The following ASXL3 variants were observed in gnomAD, a reference collection of about 807,000 sequenced individuals.
The protein encoded by ASXL3 is putative Polycomb group protein ASXL3.
ASXL3 carries 34 observed loss-of-function variants against 170.6 expected under a neutral mutation model. The observed-to-expected ratio is 0.20, with a 90% confidence interval of 0.15 to 0.27. The LOEUF (loss-of-function observed/expected upper bound fraction) is 0.27, where lower values mean the gene tolerates loss of function less well. Among genes scored for constraint, ASXL3 ranks in the 10% least tolerant of loss-of-function variants. The pLI is 1.00. For synonymous variants in ASXL3, 1,002 were observed against 989.1 expected (o/e 1.01, Z -0.24); for missense variants, 2,592 against 2,695.3 (o/e 0.96, Z 0.85).
intron 2 of ASXL3, among the ~76,000 whole-genome samples, chr18:33,643,426 A>G (rs1277234045): frequency 6.6e-6 from 1 of 151,780 alleles, no homozygotes; most frequent in Non-Finnish European, 1.5e-5. Context: ...TAAACACAAC[A>G]TTGTTTCCAT....
intron 1 of ASXL3, among the ~76,000 whole-genome samples, chr18:33,593,224 A>C (rs9951473): frequency 6.2e-4 from 53 of 86,050 alleles, no homozygotes; most frequent in East Asian, 4.2e-3. Context: ...TTCTTTCTTT[A>C]TTTCTTTTCT....
intron 7 of ASXL3, among the ~76,000 whole-genome samples, chr18:33,675,804 CCT>C (rs1405725176): frequency 6.6e-6 from 1 of 152,064 alleles, no homozygotes; most frequent in African/African-American, 2.4e-5. Flanking sequence ...CCATGGACCC[CCT>C]CAGACCCTTT....
intron 11 of ASXL3, among the ~76,000 whole-genome samples, chr18:33,741,955 T>G (rs1287046315): frequency 6.6e-6 from 1 of 152,228 alleles, no homozygotes; most frequent in Non-Finnish European, 1.5e-5. Flanking sequence ...CTGTTAGACC[T>G]TGTGCCTCAT....
chr18:33,739,563 C>G lies in ASXL3; in HGVS notation c.2159C>G (p.Ser720Cys), dbSNP rs765715457. The G allele has an allele frequency of 8.7e-6, 14 of 1,613,884 alleles. No individual in the cohort carries two copies. Among genetic ancestry groups the G allele is most frequent in the South Asian group, 5.5e-5 (5 of 91,086 alleles). ...TTAACATCAGAAACCTCACCGATGTCTGACTTACCTTTAACATCAGAAACT... is the reference window on the plus strand; with the variant it reads ...TTAACATCAGAAACCTCACCGATGTGTGACTTACCTTTAACATCAGAAACT... ...LPLTSETSPM[S>C]DLPLTSETSS... Residue 720 changes from serine to cysteine, a missense_variant, in exon 11 of 12, where the codon TCT becomes TGT. Ser to Cys is a moderately radical substitution (Grantham distance 112). Coordinates refer to ENST00000269197, the MANE Select transcript of ASXL3 (RefSeq NM_030632.3).
Position 33,746,011 on chromosome 18 carries a change from AAAC to A in ASXL3, c.6167_6169del (p.Gln2056del). 3 of 1,610,668 alleles carry A rather than the reference AAAC, an allele frequency of 1.9e-6. No individual in the cohort carries two copies. The highest frequency in any genetic ancestry group is 1.7e-6 in the Non-Finnish European group (2 of 1,179,362). On this transcript the variant is annotated inframe_deletion, in exon 12 of 12. Coordinates refer to ENST00000269197, the MANE Select transcript of ASXL3 (RefSeq NM_030632.3). ...TAATGCAGAAGTCCCATCTGATCAA[AAAC>A]AACCTCCAGTTACCATGGAAACCAC...
intron 2 of ASXL3, among the ~76,000 whole-genome samples, chr18:33,622,811 T>G (rs911013096): frequency 4.6e-5 from 7 of 152,154 alleles, no homozygotes; most frequent in Non-Finnish European, 7.4e-5. Flanking sequence ...ACACTTGCAC[T>G]GAGCTGAAAG....
intron 2 of ASXL3, among the ~76,000 whole-genome samples, chr18:33,633,370 T>C (rs897232949): frequency 3.3e-5 from 5 of 152,190 alleles, no homozygotes; most frequent in Non-Finnish European, 5.9e-5. Flanking sequence ...AAACGAATTA[T>C]GATACAGTAC....
In ASXL3 at chr18:33,644,976, G is replaced by T; in HGVS notation, c.220G>T (p.Gly74Ter). The T allele has an allele frequency of 6.4e-7, 1 of 1,567,990 alleles. No homozygotes were observed. Residue 74 changes from glycine (G) to a stop codon, truncating the protein, a stop_gained, in exon 3 of 12, where the codon GGA (glycine) becomes TGA (stop). Coordinates refer to ENST00000269197, the MANE Select transcript of ASXL3 (RefSeq NM_030632.3). LOFTEE classifies it high-confidence loss of function. Reference protein sequence around the residue: ...IGDGTFFKIPGKSGLYALKKE... With the variant: ...IGDGTFFKIP ...GGATGGAACATTCTTCAAAATCCCT[G>T]GAAAGTCAGGCCTCTATGCTCTCAA...
At chr18:33,734,627 C>G (rs2067514318) in intron 10 of ASXL3, among the ~76,000 whole-genome samples, 1 of 152,060 alleles carries the variant, frequency 6.6e-6, no homozygotes, top group Non-Finnish European at 1.5e-5. Flanking sequence ...ATAACTTGTT[C>G]ATGAAATTTT....
chr18:33,728,453 A>G (rs747854308), intron 8 of ASXL3, among the ~76,000 whole-genome samples: 2 of 152,304 alleles, frequency 1.3e-5, no homozygotes, highest in Admixed American at 6.5e-5. Flanking sequence ...GGCTGCTGGA[A>G]TCACAAGGAC....
At chr18:33,737,384 T>C (rs1429365447) in intron 10 of ASXL3, among the ~76,000 whole-genome samples, 1 of 152,154 alleles carries the variant, frequency 6.6e-6, no homozygotes, top group Non-Finnish European at 1.5e-5. Flanking sequence ...CCTCTAGAAA[T>C]GTTCTCTCTC....
rs749998326 is a variant in ASXL3 at position 33,732,053 on chromosome 18, G to A, written c.965G>A (p.Arg322Gln). 3.7e-6 allele frequency: 6 copies of A among 1,612,504 alleles called. No homozygotes were observed. Among genetic ancestry groups the A allele is most frequent in the Non-Finnish European group, 5.1e-6 (6 of 1,179,174 alleles). ...FAYAAQGWKQ[R>Q]LAEGEFTPEM... ...TATGCAGCACAAGGGTGGAAACAGC[G>A]ACTGGCAGAAGGTAAATTTGTATTT... Residue 322 changes from arginine to glutamine, a missense_variant, in exon 9 of 12, where the codon CGA (arginine) becomes CAA (glutamine). Around this residue, in one of 4 missense-constraint regions of ASXL3, gnomAD observed 73 missense variants for 142.7 expected, o/e 0.51. Transcript: ENST00000269197.
At chr18:33,631,787 A>T (rs1224925204) in intron 2 of ASXL3, among the ~76,000 whole-genome samples, 3 of 152,138 alleles carry the variant, frequency 2.0e-5, no homozygotes, top group African/African-American at 4.8e-5. Flanking sequence ...TGCATTTTTT[A>T]AAAATTTCCC....
intron 1 of ASXL3, among the ~76,000 whole-genome samples, chr18:33,604,562 A>G (rs887917599): frequency 3.3e-5 from 5 of 152,104 alleles, no homozygotes; most frequent in Non-Finnish European, 5.9e-5. Flanking sequence ...TGGCTCAGCA[A>G]TTGATGGAAA....
At chr18:33,686,678 C>T (rs1291027571) in intron 8 of ASXL3, among the ~76,000 whole-genome samples, 3 of 152,152 alleles carry the variant, frequency 2.0e-5, no homozygotes, top group African/African-American at 7.2e-5. Context: ...GTGGGCTATT[C>T]TGCTGAGGGG....
chr18:33,741,411 A>T (rs964807264), intron 11 of ASXL3, among the ~76,000 whole-genome samples: 2 of 152,206 alleles, frequency 1.3e-5, no homozygotes, highest in African/African-American at 2.4e-5. Flanking sequence ...TATTGAGCAT[A>T]TTAATTAATA....
chr18:33,720,219 G>C (rs771250069), intron 8 of ASXL3, among the ~76,000 whole-genome samples: 14 of 152,020 alleles, frequency 9.2e-5, no homozygotes, highest in Non-Finnish European at 1.9e-4. Context: ...CAAGGCTCTT[G>C]GATCAGCAGA....
chr18:33,744,607 G>C lies in ASXL3; in HGVS notation c.4759G>C (p.Ala1587Pro), dbSNP rs2067737685. ...CTTTGCTGAGCAGGCACGTGGCCCAGCTCCTTTCAAAAGTGAAGCAGACAC... is the reference window on the plus strand; with the variant it reads ...CTTTGCTGAGCAGGCACGTGGCCCACCTCCTTTCAAAAGTGAAGCAGACAC... ...HNFAEQARGP[A>P]PFKSEADTTC... is the part of the protein sequence containing the mutation. The change falls in exon 12 of 12, where the codon GCT (alanine) becomes CCT (proline). Residue 1587 changes from alanine (A) to proline (P), a missense_variant. Ala to Pro is a conservative substitution (Grantham distance 27). Around this residue, in one of 4 missense-constraint regions of ASXL3, gnomAD observed 2,246 missense variants for 2,219.6 expected, o/e 1.01. Coordinates refer to ENST00000269197, the MANE Select transcript of ASXL3 (RefSeq NM_030632.3). 1.2e-6 allele frequency: 2 copies of C among 1,608,288 alleles called. No individual in the cohort carries two copies. The highest frequency in any genetic ancestry group is 3.4e-5 in the Admixed American group (2 of 59,052).
intron 1 of ASXL3, among the ~76,000 whole-genome samples, chr18:33,607,146 G>C (rs374286328): frequency 1.3e-5 from 2 of 151,924 alleles, no homozygotes; most frequent in Non-Finnish European, 2.9e-5. Flanking sequence ...CATTTTGGCC[G>C]TGAATCCAGT....
Sources: gnomAD v4.1 joint callset for allele counts (sites outside exome capture counted in the v4.1 genomes callset) on GRCh38, gnomAD v4.1.1 for gene constraint, gnomAD v4.1.1 regional missense constraint, MANE v1.5 for transcripts, NCBI Gene and HGNC (gene_info 2026-07-23, HGNC 2026-07-21) for gene names.